Variants in MALRD1 observed in about 807,000 individuals in gnomAD.
MALRD1 encodes MAM and LDL-receptor class A domain-containing protein 1.
In MALRD1, 247 loss-of-function variants were observed where a neutral mutation model predicts 242.1. That is an observed-to-expected ratio of 1.02 (90% CI 0.92 to 1.13). MALRD1 has a LOEUF of 1.13. MALRD1 is among the 50% of genes most tolerant of loss of function. The pLI is 0.00. For synonymous variants in MALRD1, 995 were observed against 866.6 expected (o/e 1.15, Z -2.60); for missense variants, 2,989 against 2,533.1 (o/e 1.18, Z -3.86).
intron 32 of MALRD1, 97 bp downstream of exon 32, chr10:19,531,448 C>A: frequency 1.7e-6 from 2 of 1,195,962 alleles, no homozygotes; most frequent in South Asian, 1.8e-5. Flanking sequence ...GTTGGTCACA[C>A]CGCCAGTGCT....
chr10:19,450,812 G>A (rs1004457430), intron 29 of MALRD1, among the ~76,000 whole-genome samples: 9 of 152,138 alleles, frequency 5.9e-5, no homozygotes, highest in Non-Finnish European at 1.0e-4. Flanking sequence ...TCATTTGCTG[G>A]TTAATAGATG....
Position 19,302,271 on chromosome 10 carries a change from C to T in MALRD1, c.3419+19090C>T, listed in dbSNP as rs1841983787. On this transcript the variant is annotated intron_variant, in intron 21 of 39. Coordinates refer to ENST00000454679, the MANE Select transcript of MALRD1 (RefSeq NM_001142308.3). ...TTTCTCAACCAATTGAATGAGTCAC[C>T]ATATGATTCATAGGTGTATACCTGA... is the stretch of plus-strand genomic sequence containing the variant. Among the ~76,000 whole-genome samples, 3 of 151,724 alleles carry T rather than the reference C, an allele frequency of 2.0e-5. No homozygotes were observed. In the South Asian group the frequency reaches 6.2e-4, roughly 31 times the overall value.
At chr10:19,725,179 C>A (rs1339498716) in intron 38 of MALRD1, among the ~76,000 whole-genome samples, 3 of 152,168 alleles carry the variant, frequency 2.0e-5, no homozygotes, top group Admixed American at 6.5e-5. Context: ...GGCTCCATGT[C>A]CCCACCCAAA....
chr10:19,047,333 A>C (rs148580385), upstream of MALRD1, among the ~76,000 whole-genome samples: 1 of 144,362 alleles, frequency 6.9e-6, no homozygotes, highest in East Asian at 2.1e-4. Flanking sequence ...TTAGTTTTCT[A>C]TAAAAGTAGA....
intron 24 of MALRD1, among the ~76,000 whole-genome samples, chr10:19,335,904 A>G (rs1156901902): frequency 6.6e-6 from 1 of 152,042 alleles, no homozygotes; most frequent in Non-Finnish European, 1.5e-5. Flanking sequence ...TGCTGCACCC[A>G]TCAACCCGTC....
rs189272522 is a variant in MALRD1, at chr10:19,588,704, G to T, written c.5681-6490G>T. Among the ~76,000 whole-genome samples, 2 of 152,232 alleles carry T rather than the reference G, an allele frequency of 1.3e-5. 1 individual carries two copies. Among genetic ancestry groups the T allele is most frequent in the East Asian group, 3.9e-4 (2 of 5,186 alleles). On this transcript the variant is annotated intron_variant, in intron 33 of 39. Transcript: ENST00000454679. ...GTCGCCCAGGCTGGAATGCAATGGC[G>T]CAACCTCTGCTCACTGCAACCTCCA... is the stretch of plus-strand genomic sequence containing the variant.
At chr10:19,719,250 A>ATGTATATG in intron 38 of MALRD1, among the ~76,000 whole-genome samples, 1 of 136,990 alleles carries the variant, frequency 7.3e-6, no homozygotes, top group Non-Finnish European at 1.5e-5. Context: ...ATATATATAT[A>ATGTATATG]TATATATATG....
At chr10:19,719,173 T>TATAC in intron 38 of MALRD1, among the ~76,000 whole-genome samples, 1 of 106,734 alleles carries the variant, frequency 9.4e-6, no homozygotes, top group East Asian at 2.6e-4. Flanking sequence ...TATATATACA[T>TATAC]ACATATATAT....
At chr10:19,396,722 T>A (rs1846598297) in intron 28 of MALRD1, among the ~76,000 whole-genome samples, 1 of 152,196 alleles carries the variant, frequency 6.6e-6, no homozygotes, top group Non-Finnish European at 1.5e-5. Context: ...GTCTCTGAAG[T>A]CATAAAAATC....
intron 28 of MALRD1, among the ~76,000 whole-genome samples, chr10:19,443,594 G>A (rs904790419): frequency 6.6e-6 from 1 of 152,180 alleles, no homozygotes; most frequent in African/African-American, 2.4e-5. Flanking sequence ...TAGTCATTCA[G>A]GAGCAGGTTG....
chr10:19,385,537 C>T (rs1846037985), intron 26 of MALRD1, among the ~76,000 whole-genome samples: 1 of 151,978 alleles, frequency 6.6e-6, no homozygotes. Flanking sequence ...TATAATTGTT[C>T]ATAGAAGTCT....
chr10:19,390,486 C>T (rs762282082), intron 28 of MALRD1, among the ~76,000 whole-genome samples: 13 of 152,064 alleles, frequency 8.5e-5, no homozygotes, highest in Non-Finnish European at 1.6e-4. Context: ...GTTCAGGGAA[C>T]AAAATAACAT....
intron 21 of MALRD1, among the ~76,000 whole-genome samples, chr10:19,312,378 G>GTATATA (rs112120220): frequency 0.029 from 3,936 of 137,402 alleles, 64 homozygotes; most frequent in Non-Finnish European, 0.033. Flanking sequence ...AGAGGAATGT[G>GTATATA]TATATATATA....
At chr10:19,338,759 T>C (rs1843711822) in intron 24 of MALRD1, among the ~76,000 whole-genome samples, 1 of 146,106 alleles carries the variant, frequency 6.8e-6, no homozygotes, top group Non-Finnish European at 1.5e-5. Context: ...ACAATTCAAT[T>C]ATACTCTTTA....
At chr10:19,128,653 A>C (rs1837356407) in intron 8 of MALRD1, among the ~76,000 whole-genome samples, 1 of 152,192 alleles carries the variant, frequency 6.6e-6, no homozygotes, top group South Asian at 2.1e-4. Context: ...GATCTAATAA[A>C]AATGGGATAG....
chr10:19,380,503 T>C (rs1845792000), intron 26 of MALRD1, among the ~76,000 whole-genome samples: 1 of 152,036 alleles, frequency 6.6e-6, no homozygotes, highest in African/African-American at 2.4e-5. Context: ...TGTTTGGAAT[T>C]TTACTTTACA....
intron 33 of MALRD1, among the ~76,000 whole-genome samples, chr10:19,589,838 G>T (rs183805529): frequency 6.6e-6 from 1 of 152,124 alleles, no homozygotes; most frequent in Admixed American, 6.6e-5. Context: ...TATCAACACA[G>T]AATGTGCTAT....
chr10:19,139,809 C>T (rs1833477965), intron 10 of MALRD1, among the ~76,000 whole-genome samples: 2 of 152,150 alleles, frequency 1.3e-5, no homozygotes, highest in South Asian at 2.1e-4. Context: ...AGGCCCTGGC[C>T]CAGCCTTACA....
At chr10:19,421,323 C>T (rs1475344534) in intron 28 of MALRD1, among the ~76,000 whole-genome samples, 6 of 152,154 alleles carry the variant, frequency 3.9e-5, no homozygotes, top group South Asian at 2.1e-4. Context: ...CTTTCCAATG[C>T]GCTCTGATTC....
Sources: gnomAD v4.1 joint callset for allele counts (sites outside exome capture counted in the v4.1 genomes callset) on GRCh38, gnomAD v4.1.1 for gene constraint, MANE v1.5 for transcripts, NCBI Gene and HGNC (gene_info 2026-07-23, HGNC 2026-07-21) for gene names.